Variants in TTLL6 observed in about 807,000 individuals in gnomAD.
The protein encoded by TTLL6 is tubulin tyrosine ligase like 6.
TTLL6 carries 75 observed loss-of-function variants against 96.4 expected under a neutral mutation model. The ratio of observed to expected loss-of-function variants is 0.78; its 90% CI spans 0.65 to 0.94. The LOEUF (loss-of-function observed/expected upper bound fraction) is 0.94, where lower values mean the gene tolerates loss of function less well. TTLL6 is among the 40% of genes least tolerant of loss of function. The pLI is 0.00. For synonymous variants in TTLL6, 411 were observed against 419.4 expected (o/e 0.98, Z 0.24); for missense variants, 1,030 against 1,093.0 (o/e 0.94, Z 0.81).
rs560957386 is a variant in TTLL6 at position 48,775,373 on chromosome 17, A to T, written c.2041-5276T>A. ...ATGTATTAAAAAATATACAATGACC[A>T]AGTGAGGTTTATCCTGGGAATGCAA... is the stretch of plus-strand genomic sequence containing the variant. On this transcript the variant is annotated intron_variant, in intron 13 of 15. Transcript: ENST00000393382. Among the ~76,000 whole-genome samples, 115 of 152,050 alleles carry T rather than the reference A, an allele frequency of 7.6e-4. No homozygotes were observed. The Middle Eastern group carries it at 0.01, about 13-fold the overall frequency.
chr17:48,786,868 C>T (rs932330036), intron 11 of TTLL6, among the ~76,000 whole-genome samples: 1 of 141,436 alleles, frequency 7.1e-6, no homozygotes, highest in Non-Finnish European at 1.5e-5. Flanking sequence ...GAGTCTCGCT[C>T]TGTCCCCCAG....
At chr17:48,773,625 G>A (rs2038796275) in intron 13 of TTLL6, among the ~76,000 whole-genome samples, 1 of 152,128 alleles carries the variant, frequency 6.6e-6, no homozygotes, top group Non-Finnish European at 1.5e-5. Flanking sequence ...GGAAGCTGAG[G>A]TGGGAGGATT....
chr17:48,814,966 T>C (rs520878), intron 1 of TTLL6, among the ~76,000 whole-genome samples: 96,103 of 151,828 alleles, frequency 0.63, 30,738 homozygotes, highest in East Asian at 0.92. Context: ...TTAGTAGAGA[T>C]GGGGTTTCTC....
rs186361994 is a variant in TTLL6, at chr17:48,779,847, G to C, written c.2040+5076C>G. 2.6e-3 allele frequency among the ~76,000 whole-genome samples: 394 copies of C among 152,158 alleles called. 2 individuals are homozygous for C. Among genetic ancestry groups the C allele is most frequent in the Middle Eastern group, 6.8e-3 (2 of 294 alleles). ...ATTATTCCATTTACGTAAAATTCTA[G>C]AACAGGCAAAACTAAGGTGAAAAAG... is the stretch of plus-strand genomic sequence containing the variant. On this transcript the variant is annotated intron_variant, in intron 13 of 15. Transcript: ENST00000393382.
intron 12 of TTLL6, 58 bp downstream of exon 12, chr17:48,786,106 G>C (rs138499306): frequency 6.2e-7 from 1 of 1,607,100 alleles, no homozygotes; most frequent in Admixed American, 1.7e-5. Context: ...CCCCTCCACG[G>C]ATCAGGCCCA....
chr17:48,780,445 A>G (rs556871517), intron 13 of TTLL6, among the ~76,000 whole-genome samples: 16 of 152,360 alleles, frequency 1.1e-4, no homozygotes, highest in Middle Eastern at 3.4e-3. Context: ...CCAGGATCCA[A>G]TCGAAGGCAG....
chr17:48,763,097 T>C, intron 15 of TTLL6, 124 bp from the exon 16 acceptor site: 1 of 355,834 alleles, frequency 2.8e-6, no homozygotes, highest in East Asian at 7.8e-5. Context: ...GACTTATATC[T>C]GTAGTCACCA....
chr17:48,796,103 T>A lies in TTLL6; in HGVS notation c.956A>T (p.His319Leu). 6.4e-7 allele frequency: 1 copy of A among 1,551,592 alleles called. No homozygotes were observed. Among genetic ancestry groups the A allele is most frequent in the Non-Finnish European group, 8.7e-7 (1 of 1,146,894 alleles). ...TGCATCTCGACTGAAATTTGAACTGTGCTTATTAATGGAATAATTAGTCAG... is the reference window on the plus strand; with the variant it reads ...TGCATCTCGACTGAAATTTGAACTGAGCTTATTAATGGAATAATTAGTCAG... ...MHLTNYSINKHSSNFSRDAHS... is the reference protein window; with the variant it reads ...MHLTNYSINKLSSNFSRDAHS... The change falls in exon 8 of 16, where the codon CAC becomes CTC. Residue 319 changes from histidine to leucine, a missense_variant. His to Leu is a moderately conservative substitution (Grantham distance 99). Transcript: ENST00000393382.
chr17:48,794,453 A>C (rs1300394695), intron 8 of TTLL6: 2 of 1,274,096 alleles, frequency 1.6e-6, no homozygotes, highest in Non-Finnish European at 2.1e-6. Flanking sequence ...CAGACCAAGA[A>C]GTGCAGGCTC....
At chr17:48,788,718 T>C (rs779067605) in intron 10 of TTLL6, among the ~76,000 whole-genome samples, 1 of 152,110 alleles carries the variant, frequency 6.6e-6, no homozygotes, top group Non-Finnish European at 1.5e-5. Flanking sequence ...CTTGTAGAAG[T>C]CAGTTCCCTT....
intron 12 of TTLL6, 120 bp from the exon 13 acceptor site, chr17:48,785,321 A>C: frequency 7.0e-7 from 1 of 1,422,572 alleles, no homozygotes; most frequent in Non-Finnish European, 9.5e-7. Flanking sequence ...AGTCGATAGT[A>C]AAGTCTCTCT....
intron 1 of TTLL6, chr17:48,812,107 T>G (rs1286676163): frequency 8.7e-6 from 1 of 115,596 alleles, no homozygotes; most frequent in Non-Finnish European, 1.6e-5. Context: ...GATGTGGACT[T>G]TATTTGGTTC....
At chr17:48,781,938 T>G (rs986609563) in intron 13 of TTLL6, among the ~76,000 whole-genome samples, 2 of 152,298 alleles carry the variant, frequency 1.3e-5, no homozygotes, top group African/African-American at 4.8e-5. Context: ...GACATCAAAC[T>G]TGCCAGCACC....
chr17:48,777,048 ACC>A (rs1555563995), intron 13 of TTLL6, among the ~76,000 whole-genome samples: 5 of 148,424 alleles, frequency 3.4e-5, no homozygotes, highest in South Asian at 2.3e-4. Context: ...ACACACACAC[ACC>A]CCTAAAAAAT....
At chr17:48,815,487 T>C (rs2039656165) in intron 1 of TTLL6, 1 of 152,224 alleles carries the variant, frequency 6.6e-6, no homozygotes, top group African/African-American at 2.4e-5. Flanking sequence ...TCCAACTCAG[T>C]ATGTCATAAA....
chr17:48,807,993 C>T (rs947271174), intron 1 of TTLL6, among the ~76,000 whole-genome samples: 9 of 152,196 alleles, frequency 5.9e-5, no homozygotes, highest in African/African-American at 9.7e-5. Flanking sequence ...CGCCCGCCAC[C>T]ACGCCCGGCT....
chr17:48,785,944 C>T (rs1049843336), intron 12 of TTLL6, among the ~76,000 whole-genome samples: 6 of 152,170 alleles, frequency 3.9e-5, no homozygotes, highest in Non-Finnish European at 7.3e-5. Flanking sequence ...CAGGACAGAC[C>T]GGTGAGAGTC....
intron 8 of TTLL6, chr17:48,794,077 G>A (rs2039276743): frequency 5.5e-6 from 8 of 1,447,668 alleles, no homozygotes; most frequent in South Asian, 2.5e-5. Context: ...CGGAGGCCAC[G>A]GGGGCACACG....
At position 48,769,139 on chromosome 17, in the gene TTLL6, C is replaced by T; in HGVS notation, c.2526G>A (p.Leu842=). 6.2e-7 allele frequency: 1 copy of T among 1,614,170 alleles called. No individual in the cohort carries two copies. The highest frequency in any genetic ancestry group is 8.5e-7 in the Non-Finnish European group (1 of 1,180,036). Residue 842 remains leucine, a synonymous_variant, in exon 15 of 16, where the codon CTG becomes CTA. Coordinates refer to ENST00000393382, the MANE Select transcript of TTLL6 (RefSeq NM_001130918.3). ...LQSPQSYNVT[L]RDLLVIATPA... is the part of the protein sequence containing the mutation. ...GAGTGGCAATCACCAGCAGGTCCCT[C>T]AGAGTAACATTATAGCTCTGAGGAC...
Sources: gnomAD v4.1 joint callset for allele counts (sites outside exome capture counted in the v4.1 genomes callset) on GRCh38, gnomAD v4.1.1 for gene constraint, MANE v1.5 for transcripts, NCBI Gene and HGNC (gene_info 2026-07-23, HGNC 2026-07-21) for gene names.